The following ATP2A3 variants were observed in gnomAD, a reference collection of about 807,000 sequenced individuals.
ATP2A3 encodes the protein ATPase sarcoplasmic/endoplasmic reticulum Ca2+ transporting 3.
ATP2A3 carries 61 observed loss-of-function variants against 106.8 expected under a neutral mutation model. The ratio of observed to expected loss-of-function variants is 0.57; its 90% confidence interval spans 0.46 to 0.71. The LOEUF is 0.71. Ranked by LOEUF, ATP2A3 falls within the 30% of genes least tolerant of loss-of-function variation. The pLI is 0.00. For missense variants in ATP2A3, 1,201 were observed against 1,423.5 expected (o/e 0.84, Z 2.52); for synonymous variants, 611 against 609.3 (o/e 1.00, Z -0.04).
chr17:3,961,558 C>T (rs2055139013), intron 1 of ATP2A3, among the ~76,000 whole-genome samples: 1 of 152,338 alleles, frequency 6.6e-6, no homozygotes, highest in Non-Finnish European at 1.5e-5. Context: ...CTGCCTCCCT[C>T]CCCTGGCAGA....
Position 3,941,631 on chromosome 17 carries a change from C to T in ATP2A3, c.1569G>A (p.Glu523=). The T allele has an allele frequency of 6.2e-7, 1 of 1,609,170 alleles. No homozygotes were observed. The highest frequency in any genetic ancestry group is 8.5e-7 in the Non-Finnish European group (1 of 1,180,008). ...FVKGAPESVI[E]RCSSVRVGSR... The stretch of plus-strand genomic sequence containing the variant: ...TCCCCACGCGGACTGAGCTACAGCG[C>T]TCGATCACACTCTCAGGAGCCCCCT... Residue 523 remains glutamate, a synonymous_variant, in exon 13 of 21, where the codon GAG becomes GAA. Coordinates refer to ENST00000397041, the MANE Select transcript of ATP2A3 (RefSeq NM_005173.4).
At chr17:3,950,460 T>G (rs746680164) in intron 7 of ATP2A3, 51 bp downstream of exon 7, 30 of 1,572,858 alleles carry the variant, frequency 1.9e-5, no homozygotes, top group Non-Finnish European at 2.6e-5. Context: ...ATAATCCTAA[T>G]GTTGTTATTT....
At chr17:3,934,624 T>C (rs1597587741) in intron 17 of ATP2A3, among the ~76,000 whole-genome samples, 1 of 150,144 alleles carries the variant, frequency 6.7e-6, no homozygotes, top group Non-Finnish European at 1.5e-5. Flanking sequence ...CCCAGGTTCA[T>C]GTGATTCAAC....
chr17:3,951,291 A>C lies in ATP2A3; in HGVS notation c.423T>G (p.Arg141=), dbSNP rs745701715. The C allele has an allele frequency of 3.8e-5, 62 of 1,613,666 alleles. No homozygotes were observed. Among genetic ancestry groups the C allele is most frequent in the Non-Finnish European group, 5.2e-5 (61 of 1,179,980 alleles). Residue 141 remains arginine (R), a synonymous_variant, in exon 5 of 21, where the codon CGT becomes CGG. Transcript: ENST00000397041. ...TGTCCCCTGGGACGATGTCCCGGGC[A>C]CGGATCCTCTGCACGCCCTTGCGGT... is the stretch of plus-strand genomic sequence containing the variant. ...RSDRKGVQRI[R]ARDIVPGDIV... is the part of the protein sequence containing the mutation.
chr17:3,953,677 C>A lies in ATP2A3; in HGVS notation c.136+16G>T, dbSNP rs1447573875. On this transcript the variant is annotated intron_variant, in intron 2 of 20. Transcript: ENST00000397041. The surrounding 1 kb of genome is among the most constrained non-coding windows in gnomAD (Gnocchi z 5.1). ...GCTGCCCGCGGCCTAGAGGTCCATC[C>A]CGGTGCCAGCCTCACCTTCCTCACT... The A allele has an allele frequency of 1.9e-5, 30 of 1,562,156 alleles. No homozygotes were observed. Among genetic ancestry groups the A allele is most frequent in the Non-Finnish European group, 2.4e-5 (28 of 1,153,070 alleles).
intron 1 of ATP2A3, 145 bp downstream of exon 1, chr17:3,964,029 G>T: frequency 3.1e-6 from 1 of 323,062 alleles, no homozygotes; most frequent in Non-Finnish European, 4.8e-6. Flanking sequence ...GCGCAGCCCC[G>T]CCGGGTGCCC....
chr17:3,928,549 C>T lies in ATP2A3; in HGVS notation c.2980+114G>A, dbSNP rs1262907175. ...TCCACTTGGTGATCCGAGAACGCCT[C>T]CCCGATGTGCAGACAGAGAGGCTCT... On this transcript the variant is annotated intron_variant, in intron 20 of 20. Transcript: ENST00000397041. The surrounding 1 kb of genome is among the most constrained non-coding windows in gnomAD (Gnocchi z 6.1). 4 of 1,084,280 alleles carry T rather than the reference C, an allele frequency of 3.7e-6. No homozygotes were observed. Among genetic ancestry groups the T allele is most frequent in the Non-Finnish European group, 5.5e-6 (4 of 728,168 alleles). 67.2% of individuals were successfully genotyped at this position (1,084,280 alleles called of 1,614,324 possible).
chr17:3,941,036 C>T lies in ATP2A3; in HGVS notation c.2035G>A (p.Val679Met), dbSNP rs138738315. 4.4e-5 allele frequency: 71 copies of T among 1,613,754 alleles called. No homozygotes were observed. The highest frequency in any genetic ancestry group is 5.2e-5 in the Non-Finnish European group (61 of 1,179,814). The change falls in exon 14 of 21, where the codon GTG (valine) becomes ATG (methionine). Residue 679 changes from valine to methionine, a missense_variant. By Grantham distance (21) the Val-to-Met change is conservative. Transcript: ENST00000397041. ...ATGCGGGACTTGTGTGCGGGCTCCACGCGGGCGAAGCAGCGGGCGGTGCGG... is the reference window on the plus strand; with the variant it reads ...ATGCGGGACTTGTGTGCGGGCTCCATGCGGGCGAAGCAGCGGGCGGTGCGG... ...ACRTARCFARVEPAHKSRIVE... is the reference protein window; with the variant it reads ...ACRTARCFARMEPAHKSRIVE...
chr17:3,947,319 G>C lies in ATP2A3; in HGVS notation c.1095+72C>G. 7.1e-6 allele frequency: 11 copies of C among 1,555,364 alleles called. No individual in the cohort carries two copies. The highest frequency in any genetic ancestry group is 1.7e-5 in the Admixed American group (1 of 59,148). On this transcript the variant is annotated intron_variant, in intron 8 of 20. Transcript: ENST00000397041. This position sits in a 1 kb window ranked among gnomAD's most constrained non-coding sequence, Gnocchi z 7.7. ...CTCCATCCCTCACTGAAAAGGAGGTGGGGGAGAGACCCAGAGAGGGAGCCC... is the reference window on the plus strand; with the variant it reads ...CTCCATCCCTCACTGAAAAGGAGGTCGGGGAGAGACCCAGAGAGGGAGCCC...
chr17:3,935,739 C>T (rs745494083), intron 16 of ATP2A3, among the ~76,000 whole-genome samples: 10 of 152,028 alleles, frequency 6.6e-5, no homozygotes, highest in Non-Finnish European at 1.2e-4. Context: ...GGTTTCACCA[C>T]GTTGGCCAGG....
At chr17:3,937,327 T>C in intron 15 of ATP2A3, 89 bp downstream of exon 15, 1 of 1,440,332 alleles carries the variant, frequency 6.9e-7, no homozygotes, top group Non-Finnish European at 9.5e-7. Flanking sequence ...CCTCCATCCC[T>C]GCAGCGCATC....
chr17:3,953,501 G>A lies in ATP2A3; in HGVS notation c.137-72C>T, dbSNP rs1042737978. On this transcript the variant is annotated intron_variant, in intron 2 of 20. Transcript: ENST00000397041. The surrounding 1 kb of genome is among the most constrained non-coding windows in gnomAD (Gnocchi z 5.1). ...TGCCCACTCAGAGCTGGGATGGCCCGGGAGACCTCCCGGCCCATTCCCTCC... is the reference window on the plus strand; with the variant it reads ...TGCCCACTCAGAGCTGGGATGGCCCAGGAGACCTCCCGGCCCATTCCCTCC... 3.8e-5 allele frequency: 59 copies of A among 1,565,234 alleles called. No homozygotes were observed. Among genetic ancestry groups the A allele is most frequent in the African/African-American group, 6.8e-5 (5 of 73,710 alleles).
At position 3,947,991 on chromosome 17, in the gene ATP2A3, G is replaced by A; in HGVS notation, c.631-136C>T. ...TTTCTCCATGTTGCTAGTGCTTCCAGACTCCTGTAGCTATGTATGCACGGG... is the reference window on the plus strand; with the variant it reads ...TTTCTCCATGTTGCTAGTGCTTCCAAACTCCTGTAGCTATGTATGCACGGG... On this transcript the variant is annotated intron_variant, in intron 7 of 20. Transcript: ENST00000397041. The surrounding 1 kb of genome is among the most constrained non-coding windows in gnomAD (Gnocchi z 7.7). 1 of 833,670 alleles carries A rather than the reference G, an allele frequency of 1.2e-6. No individual in the cohort carries two copies. Among genetic ancestry groups the A allele is most frequent in the Non-Finnish European group, 1.9e-6 (1 of 526,992 alleles). 51.6% of individuals were successfully genotyped at this position (833,670 alleles called of 1,614,324 possible).
Position 3,947,286 on chromosome 17 carries a change from A to G in ATP2A3, c.1095+105T>C, listed in dbSNP as rs2054165241. ...CTCTGGGCCAAGGGACAGCCCACAG[A>G]TTCTCTCCTCCATCCCTCACTGAAA... is the stretch of plus-strand genomic sequence containing the variant. On this transcript the variant is annotated intron_variant, in intron 8 of 20. Coordinates refer to ENST00000397041, the MANE Select transcript of ATP2A3 (RefSeq NM_005173.4). This position sits in a 1 kb window ranked among gnomAD's most constrained non-coding sequence, Gnocchi z 7.7. The G allele has an allele frequency of 1.4e-6, 2 of 1,382,194 alleles. No individual in the cohort carries two copies. The highest frequency in any genetic ancestry group is 1.2e-5 in the South Asian group (1 of 84,182). The allele number at this position is 1,382,194 out of a possible 1,614,324, so 85.6% of individuals were successfully genotyped here. A position where few individuals can be genotyped will look rare whatever the true frequency, so the allele number is the denominator to read the frequency against.
In ATP2A3 at chr17:3,924,658, G is replaced by GGGGAACCCTGCGTCCAGGA; in HGVS notation, c.*763_*764insTCCTGGACGCAGGGTTCCC. The GGGGAACCCTGCGTCCAGGA allele has an allele frequency of 2.4e-6, 1 of 424,882 alleles. No individual in the cohort carries two copies. Among genetic ancestry groups the GGGGAACCCTGCGTCCAGGA allele is most frequent in the South Asian group, 1.7e-5 (1 of 59,246 alleles). 26.3% of individuals were successfully genotyped at this position (424,882 alleles called of 1,614,324 possible). On this transcript the variant is annotated 3_prime_UTR_variant, in exon 21 of 21. Coordinates refer to ENST00000397041, the MANE Select transcript of ATP2A3 (RefSeq NM_005173.4). The surrounding 1 kb of genome is among the most constrained non-coding windows in gnomAD (Gnocchi z 6.4). ...TCTGAACATCTCCCGAGCTCAGGAC[G>GGGGAACCCTGCGTCCAGGA]GGGAACCCTGAGTCCAGGAGGCGCG... is the stretch of plus-strand genomic sequence containing the variant.
At chr17:3,951,543 A>ACCCCCCCCCCCCCCCCCCCCCCCCCCC in intron 4 of ATP2A3, 38 bp downstream of exon 4, 3 of 1,387,004 alleles carry the variant, frequency 2.2e-6, no homozygotes, top group Non-Finnish European at 3.0e-6. Context: ...TGGCTGGGAG[A>ACCCCCCCCCCCCCCCCCCCCCCCCCCC]CCGCCCCCCG....
chr17:3,956,609 C>T (rs1306907720), intron 1 of ATP2A3, among the ~76,000 whole-genome samples: 2 of 152,238 alleles, frequency 1.3e-5, no homozygotes, highest in Non-Finnish European at 2.9e-5. Context: ...CTCTCTCCTA[C>T]AGCAGCCAGC....
rs745915326 is a variant in ATP2A3 at position 3,937,098 on chromosome 17, G to A, written c.2321+318C>T. ...CACATTCGCACACGGACACACACAC[G>A]ACTGCCTAAAGGTGGGGCTTTTCTC... On this transcript the variant is annotated intron_variant, in intron 15 of 20. Transcript: ENST00000397041. 125 of 437,180 alleles carry A rather than the reference G, an allele frequency of 2.9e-4. 1 individual carries two copies. Among genetic ancestry groups the A allele is most frequent in the Non-Finnish European group, 4.9e-4 (114 of 233,038 alleles). The allele number at this position is 437,180 out of a possible 1,614,324, so 27.1% of individuals were successfully genotyped here.
In ATP2A3 at chr17:3,951,588, A is replaced by T. The variant is rs1339901964; in HGVS notation, c.317T>A (p.Val106Glu). Residue 106 changes from valine (V) to glutamate (E), a missense_variant, in exon 4 of 21, where the codon GTG becomes GAG. Coordinates refer to ENST00000397041, the MANE Select transcript of ATP2A3 (RefSeq NM_005173.4). The part of the protein sequence containing the change: ...LILVANAIVG[V>E]WQERNAESAI... ...ACCCCCAGTGCCTCCCACCTGCCAC[A>T]CGCCCACAATGGCGTTGGCCACGAG... is the stretch of plus-strand genomic sequence containing the variant. The T allele has an allele frequency of 3.2e-6, 4 of 1,238,272 alleles. No individual in the cohort carries two copies. Among genetic ancestry groups the T allele is most frequent in the Non-Finnish European group, 4.3e-6 (4 of 939,200 alleles). 76.7% of individuals were successfully genotyped at this position (1,238,272 alleles called of 1,614,324 possible). A position where few individuals can be genotyped will look rare whatever the true frequency, so the allele number is the denominator to read the frequency against.
Sources: gnomAD v4.1 joint callset for allele counts (sites outside exome capture counted in the v4.1 genomes callset) on GRCh38, gnomAD v4.1.1 for gene constraint, Gnocchi (gnomAD v3.1) non-coding constraint, MANE v1.5 for transcripts, NCBI Gene and HGNC (gene_info 2026-07-23, HGNC 2026-07-21) for gene names.